Variants in PHLPP1 observed in about 807,000 individuals in gnomAD.
PHLPP1 encodes PH domain leucine-rich repeat-containing protein phosphatase 1.
A neutral mutation model predicts 117.2 loss-of-function variants in PHLPP1; 42 were observed. The ratio of observed to expected loss-of-function variants is 0.36; its 90% CI spans 0.28 to 0.46. The LOEUF is 0.46. PHLPP1 is among the 20% of genes least tolerant of loss of function. The pLI is 1.00. For synonymous variants in PHLPP1, 1,042 were observed against 970.7 expected (o/e 1.07, Z -1.37); for missense variants, 2,084 against 2,241.9 (o/e 0.93, Z 1.42).
In PHLPP1 at chr18:62,963,378, T is replaced by C; in HGVS notation, c.3466T>C (p.Cys1156Arg). ...TGTTTCTCTTGTTAGTAATATCCGC[T>C]GTTTCAAGATTGATCAGCCTTCTAC... ...KTLELLNNIR[C>R]FKIDQPSTGD... The change falls in exon 14 of 17, where the codon TGT becomes CGT. Residue 1156 changes from cysteine (C) to arginine (R), a missense_variant. By Grantham distance (180) the Cys-to-Arg change is radical. Around this residue, in one of 2 missense-constraint regions of PHLPP1, gnomAD observed 1,365 missense variants for 1,605.9 expected, o/e 0.85. Coordinates refer to ENST00000262719, the MANE Select transcript of PHLPP1 (RefSeq NM_194449.4). 1 of 1,611,510 alleles carries C rather than the reference T, an allele frequency of 6.2e-7. No homozygotes were observed. Among genetic ancestry groups the C allele is most frequent in the Non-Finnish European group, 8.5e-7 (1 of 1,178,218 alleles).
At chr18:62,882,862 A>G (rs1189490370) in intron 4 of PHLPP1, among the ~76,000 whole-genome samples, 3 of 151,696 alleles carry the variant, frequency 2.0e-5, no homozygotes, top group South Asian at 2.1e-4. Flanking sequence ...CCCCTAGTAT[A>G]TAAAATTTAT....
In PHLPP1 at chr18:62,793,380, A is replaced by G. The variant is rs972279601; in HGVS notation, c.1577-36655A>G. Among the ~76,000 whole-genome samples, 7 of 152,156 alleles carry G rather than the reference A, an allele frequency of 4.6e-5. 1 individual carries two copies. The highest frequency in any genetic ancestry group is 1.7e-4 in the African/African-American group (7 of 41,436). ...TACCACCTGCTGCTGTTTCGCCTTC[A>G]TATCATCTTGCCTGCCTGTTTGAAC... is the stretch of plus-strand genomic sequence containing the variant. On this transcript the variant is annotated intron_variant, in intron 1 of 16. Transcript: ENST00000262719.
At chr18:62,749,702 G>T (rs1911786025) in intron 1 of PHLPP1, among the ~76,000 whole-genome samples, 1 of 152,130 alleles carries the variant, frequency 6.6e-6, no homozygotes, top group East Asian at 1.9e-4. Flanking sequence ...TGTCTCTTGT[G>T]TGTCCAGATT....
intron 4 of PHLPP1, among the ~76,000 whole-genome samples, chr18:62,892,596 GC>G (rs1916454636): frequency 6.6e-6 from 1 of 151,990 alleles, no homozygotes; most frequent in South Asian, 2.1e-4. Flanking sequence ...AGTTTGAACA[GC>G]CAGGTGCGGT....
intron 1 of PHLPP1, among the ~76,000 whole-genome samples, chr18:62,768,664 G>A (rs34643931): frequency 6.6e-6 from 1 of 152,094 alleles, no homozygotes; most frequent in Admixed American, 6.6e-5. Context: ...TAGTTACGTG[G>A]TTATATTAGA....
At chr18:62,868,090 G>A (rs755935312) in intron 4 of PHLPP1, among the ~76,000 whole-genome samples, 15 of 152,114 alleles carry the variant, frequency 9.9e-5, no homozygotes, top group African/African-American at 1.7e-4. Flanking sequence ...GATTACAAGC[G>A]TGAGCCACTG....
intron 4 of PHLPP1, among the ~76,000 whole-genome samples, chr18:62,875,400 T>C (rs1916022688): frequency 6.6e-6 from 1 of 152,230 alleles, no homozygotes; most frequent in Non-Finnish European, 1.5e-5. Flanking sequence ...CTGACAGTTT[T>C]ATAAAATTCT....
At chr18:62,917,665 T>G (rs969702590) in intron 9 of PHLPP1, among the ~76,000 whole-genome samples, 5 of 150,700 alleles carry the variant, frequency 3.3e-5, no homozygotes, top group African/African-American at 4.9e-5. Flanking sequence ...AAAATAAAAT[T>G]AGCTAGATAT....
rs759778198 is a variant in PHLPP1 at position 62,979,370 on chromosome 18, C to T, written c.5093C>T (p.Pro1698Leu). Residue 1698 changes from proline (P) to leucine (L), a missense_variant, in exon 17 of 17, where the codon CCG (proline) becomes CTG (leucine). This residue lies in a region of PHLPP1 where 1,365 missense variants were observed against 1,605.9 expected (regional missense o/e 0.85). Transcript: ENST00000262719. ...CCGCCACCACCCCCTCAGCTCCAGCCGCAGCTGCCGCGGCACTACCAGCTG... is the reference window on the plus strand; with the variant it reads ...CCGCCACCACCCCCTCAGCTCCAGCTGCAGCTGCCGCGGCACTACCAGCTG... ...QQPPPPPQLQ[P>L]QLPRHYQLDQ... 72 of 1,548,058 alleles carry T rather than the reference C, an allele frequency of 4.7e-5. No homozygotes were observed. The highest frequency in any genetic ancestry group is 5.8e-5 in the Non-Finnish European group (66 of 1,143,682).
intron 3 of PHLPP1, among the ~76,000 whole-genome samples, chr18:62,853,356 T>C (rs894350587): frequency 6.6e-6 from 1 of 151,936 alleles, no homozygotes; most frequent in Non-Finnish European, 1.5e-5. Flanking sequence ...TTTTTTCTTT[T>C]TTTTTTTTGT....
chr18:62,802,367 C>G (rs995379748), intron 1 of PHLPP1, among the ~76,000 whole-genome samples: 2 of 152,054 alleles, frequency 1.3e-5, no homozygotes, highest in African/African-American at 2.4e-5. Context: ...AGGGCAGATT[C>G]GATTCCAGGG....
intron 1 of PHLPP1, among the ~76,000 whole-genome samples, chr18:62,750,664 G>A (rs560412714): frequency 1.8e-4 from 27 of 150,522 alleles, no homozygotes; most frequent in African/African-American, 6.6e-4. Context: ...TGCTGTTGTG[G>A]AAGGAAACAC....
At chr18:62,949,757 A>C (rs1459848743) in intron 12 of PHLPP1, among the ~76,000 whole-genome samples, 1 of 152,190 alleles carries the variant, frequency 6.6e-6, no homozygotes, top group African/African-American at 2.4e-5. Context: ...CTAGTAAGGA[A>C]AACAAGATCT....
At chr18:62,803,049 A>G (rs1373309482) in intron 1 of PHLPP1, among the ~76,000 whole-genome samples, 1 of 152,224 alleles carries the variant, frequency 6.6e-6, no homozygotes, top group Non-Finnish European at 1.5e-5. Flanking sequence ...TAATCATTTT[A>G]TGTTTTAATT....
At chr18:62,758,570 A>C (rs1208494699) in intron 1 of PHLPP1, among the ~76,000 whole-genome samples, 7 of 152,254 alleles carry the variant, frequency 4.6e-5, no homozygotes, top group African/African-American at 1.7e-4. Context: ...TTGCTAAAGT[A>C]AAGAGCCTCT....
At chr18:62,806,703 A>G (rs2144306930) in intron 1 of PHLPP1, among the ~76,000 whole-genome samples, 1 of 152,300 alleles carries the variant, frequency 6.6e-6, no homozygotes, top group South Asian at 2.1e-4. Context: ...TTGAAATTAG[A>G]TCTTCAAGGA....
chr18:62,900,565 G>C (rs1441643781), intron 6 of PHLPP1, among the ~76,000 whole-genome samples: 1 of 147,990 alleles, frequency 6.8e-6, no homozygotes, highest in Admixed American at 6.9e-5. Flanking sequence ...TCCTGGGTTC[G>C]AGTGATCTTC....
chr18:62,979,555 C>T lies in PHLPP1; in HGVS notation c.*124C>T, dbSNP rs1002931292. The T allele has an allele frequency of 9.5e-7, 1 of 1,049,034 alleles. No individual in the cohort carries two copies. Among genetic ancestry groups the T allele is most frequent in the African/African-American group, 1.6e-5 (1 of 61,920 alleles). 65.0% of individuals were successfully genotyped at this position (1,049,034 alleles called of 1,614,324 possible). A position where few individuals can be genotyped will look rare whatever the true frequency, so the allele number is the denominator to read the frequency against. ...CCCCCAGACACTGTTCCCAACCTGT[C>T]ATCGCAGCTAATCTGTAGGTTCTCT... On this transcript the variant is annotated 3_prime_UTR_variant, in exon 17 of 17. Transcript: ENST00000262719.
At chr18:62,830,460 C>G (rs942135501) in intron 2 of PHLPP1, among the ~76,000 whole-genome samples, 7 of 152,150 alleles carry the variant, frequency 4.6e-5, no homozygotes, top group Admixed American at 2.0e-4. Context: ...AACTCCTGAC[C>G]TCAAGTGATC....
Sources: allele counts gnomAD v4.1 joint callset (sites outside exome capture counted in the v4.1 genomes callset), GRCh38; gene constraint gnomAD v4.1.1; regional missense constraint gnomAD v4.1.1; transcripts MANE v1.5; gene names NCBI Gene and HGNC (gene_info 2026-07-23, HGNC 2026-07-21).